GABRG3: variants seen among roughly 807,000 people sequenced by gnomAD.
GABRG3 encodes gamma-aminobutyric acid type A receptor subunit gamma3, also known as gamma-aminobutyric acid receptor subunit gamma-3.
GABRG3 carries 25 observed loss-of-function variants against 48.8 expected under a neutral mutation model. The ratio of observed to expected loss-of-function variants is 0.51; its 90% CI spans 0.37 to 0.72. The LOEUF is 0.72. GABRG3 is among the 30% of genes least tolerant of loss of function. GABRG3 has a pLI of 0.00. For missense variants in GABRG3, 394 were observed against 577.9 expected, an observed-to-expected ratio of 0.68 and a Z score of 3.26; for synonymous variants, 227 against 217.6, an observed-to-expected ratio of 1.04 and a Z score of -0.38.
chr15:27,258,688 A>G (rs1890690898), intron 3 of GABRG3, among the ~76,000 whole-genome samples: 1 of 152,232 alleles, frequency 6.6e-6, no homozygotes, highest in Middle Eastern at 3.2e-3. Context: ...GTATGCAATG[A>G]TCGAATCAGG....
intron 3 of GABRG3, among the ~76,000 whole-genome samples, chr15:27,116,952 AT>A (rs1206499454): frequency 2.0e-5 from 3 of 152,174 alleles, no homozygotes; most frequent in African/African-American, 7.2e-5. Context: ...TGAGAAATAC[AT>A]TTATATTATT....
intron 5 of GABRG3, chr15:27,362,945 T>C (rs555277867): frequency 1.3e-4 from 20 of 152,334 alleles, no homozygotes; most frequent in Admixed American, 1.2e-3. Context: ...AGCAATTGTA[T>C]TGATAAGCAA....
At chr15:27,359,748 C>T (rs1894960910) in intron 5 of GABRG3, among the ~76,000 whole-genome samples, 1 of 152,156 alleles carries the variant, frequency 6.6e-6, no homozygotes, top group South Asian at 2.1e-4. Flanking sequence ...TTGAACGTTA[C>T]ATAGATATCT....
intron 3 of GABRG3, among the ~76,000 whole-genome samples, chr15:27,115,336 C>T (rs1321002444): frequency 2.0e-5 from 3 of 152,158 alleles, no homozygotes; most frequent in Non-Finnish European, 2.9e-5. Flanking sequence ...CTTATGGAAA[C>T]ACCTCTGCTC....
chr15:27,423,541 G>T (rs561869285), intron 5 of GABRG3, among the ~76,000 whole-genome samples: 64 of 136,428 alleles, frequency 4.7e-4, no homozygotes, highest in African/African-American at 1.5e-3. Context: ...TTGTTTTTTG[G>T]TTTTTTTTTT....
At chr15:27,038,422 A>G (rs1854250916) in intron 3 of GABRG3, among the ~76,000 whole-genome samples, 1 of 152,204 alleles carries the variant, frequency 6.6e-6, no homozygotes, top group Non-Finnish European at 1.5e-5. Flanking sequence ...CTTTTGAGGC[A>G]TCAAATTCTG....
At chr15:27,104,416 G>A (rs976877923) in intron 3 of GABRG3, among the ~76,000 whole-genome samples, 1 of 152,182 alleles carries the variant, frequency 6.6e-6, no homozygotes, top group African/African-American at 2.4e-5. Context: ...TCCAGTCTTA[G>A]TAGGATGTGG....
rs1891660909 is a variant in GABRG3 at position 27,541,537 on chromosome 15, A to T, written c.*8656A>T. The T allele has an allele frequency of 6.6e-6, 1 of 152,338 alleles. No homozygotes were observed. The highest frequency in any genetic ancestry group is 2.4e-5 in the African/African-American group (1 of 41,472). The allele number at this position is 152,338 out of a possible 1,614,324, so 9.4% of individuals were successfully genotyped here. On this transcript the variant is annotated 3_prime_UTR_variant, in exon 10 of 10. Coordinates refer to ENST00000615808, the MANE Select transcript of GABRG3 (RefSeq NM_033223.5). ...GATGGGAGGTAGGCCGGGAGATTCC[A>T]GAATCCGAAAACATTTTGGAATCAT...
intron 5 of GABRG3, among the ~76,000 whole-genome samples, chr15:27,391,457 G>A (rs888344598): frequency 2.0e-5 from 3 of 151,982 alleles, no homozygotes; most frequent in African/African-American, 7.2e-5. Context: ...TTTTCAGGTA[G>A]TAAAAATAAT....
At chr15:27,213,916 C>T (rs1197470035) in intron 3 of GABRG3, among the ~76,000 whole-genome samples, 2 of 152,202 alleles carry the variant, frequency 1.3e-5, no homozygotes, top group African/African-American at 4.8e-5. Flanking sequence ...AGGTGAGTTT[C>T]AGCGAAGGGG....
At position 27,099,821 on chromosome 15, in the gene GABRG3, A is replaced by G. The variant is rs185992547; in HGVS notation, c.270+73000A>G. On this transcript the variant is annotated intron_variant, in intron 3 of 9. Transcript: ENST00000615808. Reference sequence around the variant, plus strand: ...CAAAAAACCACCAATCATCAATATTAGCAATGAAACGTGGTCTATCACTAT... The same window carrying G: ...CAAAAAACCACCAATCATCAATATTGGCAATGAAACGTGGTCTATCACTAT... Among the ~76,000 whole-genome samples, 98 of 152,344 alleles carry G rather than the reference A, an allele frequency of 6.4e-4. 1 individual carries two copies. The highest frequency in any genetic ancestry group is 2.3e-3 in the African/African-American group (94 of 41,580).
intron 3 of GABRG3, among the ~76,000 whole-genome samples, chr15:27,137,218 CCT>C (rs1898025000): frequency 6.6e-6 from 1 of 152,188 alleles, no homozygotes; most frequent in African/African-American, 2.4e-5. Context: ...TTTGAGTACT[CCT>C]CCATAGCATC....
At chr15:26,992,925 G>C (rs1164264829) in intron 2 of GABRG3, among the ~76,000 whole-genome samples, 1 of 151,864 alleles carries the variant, frequency 6.6e-6, no homozygotes, top group Non-Finnish European at 1.5e-5. Flanking sequence ...ATTTCTTCAT[G>C]GTTCAATCTT....
At position 27,308,176 on chromosome 15, in the gene GABRG3, A is replaced by G. The variant is rs1235416348; in HGVS notation, c.271-18633A>G. On this transcript the variant is annotated intron_variant, in intron 3 of 9. Transcript: ENST00000615808. ...AACATATATAAACATATATGTTTAT[A>G]TATCCAAACATATATAAACATGTTT... Among the ~76,000 whole-genome samples the G allele has an allele frequency of 3.5e-5, 3 of 85,120 alleles. 1 individual carries two copies. Among genetic ancestry groups the G allele is most frequent in the Admixed American group, 3.2e-4 (3 of 9,420 alleles). 55.8% of individuals were successfully genotyped at this position (85,120 alleles called of 152,430 possible). A position where few individuals can be genotyped will look rare whatever the true frequency, so the allele number is the denominator to read the frequency against.
intron 5 of GABRG3, among the ~76,000 whole-genome samples, chr15:27,402,521 G>A (rs1887503959): frequency 6.6e-6 from 1 of 152,158 alleles, no homozygotes; most frequent in South Asian, 2.1e-4. Flanking sequence ...CACTTATTTG[G>A]CATAGGAATC....
chr15:27,011,244 T>C (rs1191974730), intron 2 of GABRG3, among the ~76,000 whole-genome samples: 1 of 152,208 alleles, frequency 6.6e-6, no homozygotes, highest in Non-Finnish European at 1.5e-5. Flanking sequence ...CTCTTAGGAC[T>C]TTCAGAAATG....
chr15:27,197,604 C>T (rs2140426814), intron 3 of GABRG3, among the ~76,000 whole-genome samples: 1 of 152,034 alleles, frequency 6.6e-6, no homozygotes, highest in Non-Finnish European at 1.5e-5. Flanking sequence ...GTAAACATTG[C>T]ACGTGCGTTT....
At chr15:27,302,107 A>G (rs570312389) in intron 3 of GABRG3, among the ~76,000 whole-genome samples, 1 of 152,282 alleles carries the variant, frequency 6.6e-6, no homozygotes, top group South Asian at 2.1e-4. Context: ...ATGAAGGAAA[A>G]GTGAGAGAAA....
At chr15:27,288,313 T>C (rs1163975002) in intron 3 of GABRG3, among the ~76,000 whole-genome samples, 1 of 152,160 alleles carries the variant, frequency 6.6e-6, no homozygotes, top group Non-Finnish European at 1.5e-5. Context: ...ACTTTATTTC[T>C]ATTATTGTTA....
Sources: gnomAD v4.1 joint callset for allele counts (sites outside exome capture counted in the v4.1 genomes callset) on GRCh38, gnomAD v4.1.1 for gene constraint, MANE v1.5 for transcripts, NCBI Gene and HGNC (gene_info 2026-07-23, HGNC 2026-07-21) for gene names.